Variants in STAG1 observed in about 807,000 individuals in gnomAD.
STAG1 encodes STAG1 cohesin complex component.
A neutral mutation model predicts 170.9 loss-of-function variants in STAG1; 26 were observed. The ratio of observed to expected loss-of-function variants is 0.15; its 90% CI spans 0.11 to 0.21. STAG1 has a LOEUF of 0.21. STAG1 is among the 10% of genes least tolerant of loss of function. The pLI is 1.00. For synonymous variants in STAG1, 514 were observed against 497.7 expected (o/e 1.03, Z -0.44); for missense variants, 964 against 1,509.5 (o/e 0.64, Z 5.99).
intron 23 of STAG1, among the ~76,000 whole-genome samples, chr3:136,373,511 C>G (rs1326266008): frequency 2.6e-5 from 4 of 152,194 alleles, no homozygotes; most frequent in East Asian, 3.9e-4. Flanking sequence ...CCTCTACACA[C>G]TGCTTTGAAT....
intron 5 of STAG1, among the ~76,000 whole-genome samples, chr3:136,556,022 T>C (rs1243078592): frequency 2.0e-5 from 3 of 152,140 alleles, no homozygotes; most frequent in Admixed American, 6.5e-5. Context: ...AAATATATCA[T>C]GACCAAGTTG....
rs1400248549 is a variant in STAG1, at chr3:136,626,441, C to CA, written c.30-3194dup. Among the ~76,000 whole-genome samples the CA allele has an allele frequency of 3.7e-4, 56 of 150,498 alleles. 1 individual carries two copies. The highest frequency in any genetic ancestry group is 6.8e-3 in the Middle Eastern group (2 of 294). On this transcript the variant is annotated intron_variant, in intron 2 of 33. Coordinates refer to ENST00000383202, the MANE Select transcript of STAG1 (RefSeq NM_005862.3). ...CTACATCTCAAAAAAAAAAAAAAAC[C>CA]AAAAAAACAAAAAACCATACAGTAT...
At chr3:136,667,419 C>A (rs1435727855) in intron 1 of STAG1, among the ~76,000 whole-genome samples, 1 of 151,990 alleles carries the variant, frequency 6.6e-6, no homozygotes, top group African/African-American at 2.4e-5. Context: ...GATAGACAGA[C>A]AGACAGAAAA....
In STAG1 at chr3:136,498,617, T is replaced by C. The variant is rs114962491; in HGVS notation, c.902+1606A>G. On this transcript the variant is annotated intron_variant, in intron 9 of 33. Transcript: ENST00000383202. ...TTGTGGTGGTGGTTTTATAGGTGTA[T>C]ATATGTCAAAACTCATCAAATTATG... 7.6e-3 allele frequency among the ~76,000 whole-genome samples: 1,152 copies of C among 151,782 alleles called. 18 individuals are homozygous for C. The highest frequency in any genetic ancestry group is 0.026 in the African/African-American group (1,084 of 41,378).
chr3:136,568,042 T>C (rs571434793), intron 5 of STAG1, among the ~76,000 whole-genome samples: 8 of 152,110 alleles, frequency 5.3e-5, no homozygotes, highest in Non-Finnish European at 1.0e-4. Flanking sequence ...CTGTAAATAT[T>C]TGATAAACTA....
At chr3:136,549,258 A>G (rs1936285065) in intron 5 of STAG1, among the ~76,000 whole-genome samples, 1 of 152,086 alleles carries the variant, frequency 6.6e-6, no homozygotes, top group Non-Finnish European at 1.5e-5. Flanking sequence ...GCATCCTGTT[A>G]CTTTGCCGAA....
intron 4 of STAG1, among the ~76,000 whole-genome samples, chr3:136,590,129 A>G (rs1458763434): frequency 4.0e-5 from 6 of 151,166 alleles, no homozygotes; most frequent in African/African-American, 1.5e-4. Context: ...TCTCTAAATA[A>G]ATAAAATAAA....
intron 21 of STAG1, among the ~76,000 whole-genome samples, chr3:136,408,092 T>C (rs1405709909): frequency 6.6e-6 from 1 of 152,212 alleles, no homozygotes; most frequent in Admixed American, 6.5e-5. Context: ...TATCCTTCTG[T>C]ATTTAACTGG....
At chr3:136,511,784 C>A (rs1232317748) in intron 7 of STAG1, among the ~76,000 whole-genome samples, 2 of 152,124 alleles carry the variant, frequency 1.3e-5, no homozygotes, top group South Asian at 2.1e-4. Flanking sequence ...TGCACATGTA[C>A]CCCTGAACGT....
At chr3:136,623,441 C>T (rs957332781) in intron 2 of STAG1, among the ~76,000 whole-genome samples, 193 bp from the exon 3 acceptor site, 2 of 151,966 alleles carry the variant, frequency 1.3e-5, no homozygotes, top group Non-Finnish European at 2.9e-5. Context: ...AAATGAATCC[C>T]CCAAATAAAG....
rs1016587339 is a variant in STAG1 at position 136,521,499 on chromosome 3, G to A, written c.472-82C>T. The A allele has an allele frequency of 3.3e-5, 41 of 1,228,272 alleles. No homozygotes were observed. The Admixed American group carries it at 8.7e-4, about 26-fold the overall frequency. 76.1% of individuals were successfully genotyped at this position (1,228,272 alleles called of 1,614,324 possible). On this transcript the variant is annotated intron_variant, in intron 6 of 33. Transcript: ENST00000383202. ...CTTTTTTTTTCTTCCTACCTACATA[G>A]GAACCCTTTTTTGCAAAGCAGTTAT...
chr3:136,363,491 T>C (rs781563406), intron 25 of STAG1, 24 bp from the exon 26 acceptor site: 1 of 1,116,816 alleles, frequency 9.0e-7, no homozygotes, highest in Non-Finnish European at 1.3e-6. Context: ...AAAGAAAACA[T>C]GGCTTTAAAA....
rs1468820815 is a variant in STAG1, at chr3:136,363,474, G to C, written c.2686-7C>G. The C allele has an allele frequency of 7.7e-7, 1 of 1,304,360 alleles. No individual in the cohort carries two copies. The highest frequency in any genetic ancestry group is 1.4e-5 in the South Asian group (1 of 69,690). 80.8% of individuals were successfully genotyped at this position (1,304,360 alleles called of 1,614,324 possible). A position where few individuals can be genotyped will look rare whatever the true frequency, so the allele number is the denominator to read the frequency against. On this transcript the variant is annotated splice_polypyrimidine_tract_variant and splice_region_variant and intron_variant, in intron 25 of 33. Transcript: ENST00000383202. ...CACCATAGTCATTGTAATACTGTGA[G>C]GGAAAGAAAGAAAACATGGCTTTAA...
At chr3:136,715,724 T>G (rs1347613991) in intron 1 of STAG1, among the ~76,000 whole-genome samples, 2 of 151,428 alleles carry the variant, frequency 1.3e-5, no homozygotes, top group Non-Finnish European at 2.9e-5. Flanking sequence ...AAAAGGCAAA[T>G]AAATGGGAAA....
At chr3:136,741,223 C>T (rs893824201) in intron 1 of STAG1, among the ~76,000 whole-genome samples, 1 of 152,226 alleles carries the variant, frequency 6.6e-6, no homozygotes. Flanking sequence ...TTCCCAATGA[C>T]CTATGCAAAC....
At chr3:136,434,053 A>G (rs1318666909) in intron 15 of STAG1, among the ~76,000 whole-genome samples, 1 of 152,154 alleles carries the variant, frequency 6.6e-6, no homozygotes, top group East Asian at 1.9e-4. Context: ...CACACATAAT[A>G]ATTATCTTAA....
intron 9 of STAG1, 91 bp from the exon 10 acceptor site, chr3:136,477,503 T>A (rs530251950): frequency 1.6e-6 from 2 of 1,229,334 alleles, no homozygotes; most frequent in South Asian, 3.8e-5. Context: ...ATATTTCTAA[T>A]GCTGTTTGTA....
intron 6 of STAG1, among the ~76,000 whole-genome samples, chr3:136,525,087 T>C (rs1432884496): frequency 3.9e-5 from 6 of 152,348 alleles, no homozygotes; most frequent in African/African-American, 1.4e-4. Context: ...CAGGCTTTGG[T>C]ATCAAGATGA....
chr3:136,721,151 G>A (rs181975105), intron 1 of STAG1, among the ~76,000 whole-genome samples: 23 of 152,236 alleles, frequency 1.5e-4, no homozygotes, highest in Admixed American at 1.2e-3. Flanking sequence ...TTATTTTTCT[G>A]CAGTCTTATA....
Sources: gnomAD v4.1 joint callset for allele counts (sites outside exome capture counted in the v4.1 genomes callset) on GRCh38, gnomAD v4.1.1 for gene constraint, MANE v1.5 for transcripts, NCBI Gene and HGNC (gene_info 2026-07-23, HGNC 2026-07-21) for gene names.